The following ATP10B variants were observed in gnomAD, a reference collection of about 807,000 sequenced individuals.
ATP10B encodes the protein ATPase phospholipid transporting 10B (putative).
Under a neutral mutation model 141.2 loss-of-function variants are expected in ATP10B, and 122 were observed. The observed-to-expected ratio is 0.86, with a 90% CI of 0.75 to 1.00. The LOEUF is 1.00. Among genes scored for constraint, ATP10B ranks in the 50% least tolerant of loss-of-function variants. The pLI is 0.00. For synonymous variants in ATP10B, 685 were observed against 692.0 expected (o/e 0.99, Z 0.16); for missense variants, 1,876 against 1,825.3 (o/e 1.03, Z -0.51).
At chr5:160,757,963 A>T (rs1249120881) in intron 2 of ATP10B, among the ~76,000 whole-genome samples, 2 of 152,206 alleles carry the variant, frequency 1.3e-5, no homozygotes, top group Non-Finnish European at 2.9e-5. Context: ...ATGTCTCCAG[A>T]CATTGTCAAA....
chr5:160,574,576 C>T (rs1755073685), intron 24 of ATP10B, among the ~76,000 whole-genome samples: 1 of 152,040 alleles, frequency 6.6e-6, no homozygotes, highest in African/African-American at 2.4e-5. Flanking sequence ...ATGTATGTGC[C>T]CCCTCTAAAC....
intron 7 of ATP10B, among the ~76,000 whole-genome samples, chr5:160,653,742 A>ATTACATATG (rs1474405250): frequency 1.3e-4 from 15 of 113,898 alleles, no homozygotes; most frequent in African/African-American, 4.5e-4. Flanking sequence ...ATATACATAT[A>ATTACATATG]TTACATATAC....
At chr5:160,572,638 ATGT>A (rs1253430351) in intron 24 of ATP10B, among the ~76,000 whole-genome samples, 1 of 152,208 alleles carries the variant, frequency 6.6e-6, no homozygotes, top group Admixed American at 6.5e-5. Flanking sequence ...ATTTAATATA[ATGT>A]TGAGTTCTGA....
intron 2 of ATP10B, among the ~76,000 whole-genome samples, chr5:160,756,771 T>C (rs1768646542): frequency 6.6e-6 from 1 of 152,160 alleles, no homozygotes; most frequent in Admixed American, 6.5e-5. Context: ...AGGCATGCAC[T>C]GCATAATAAT....
chr5:160,912,698 AAG>A, the ATP10B span, among the ~76,000 whole-genome samples: 182 of 152,108 alleles, frequency 1.2e-3, no homozygotes, highest in Non-Finnish European at 2.2e-3. Flanking sequence ...AAAAAGAAAA[AAG>A]AAAAGAGAAA....
chr5:160,901,098 C>T, the ATP10B span, among the ~76,000 whole-genome samples: 1 of 151,750 alleles, frequency 6.6e-6, no homozygotes, highest in African/African-American at 2.4e-5. Context: ...GGATTTCTTC[C>T]CTAAGAGTCA....
intron 20 of ATP10B, chr5:160,603,492 G>A (rs1028215906): frequency 5.7e-6 from 1 of 176,824 alleles, no homozygotes; most frequent in African/African-American, 2.3e-5. Flanking sequence ...TCTATGTGTA[G>A]CCCAATACAA....
intron 13 of ATP10B, among the ~76,000 whole-genome samples, chr5:160,624,229 G>C (rs1364871915): frequency 6.6e-6 from 1 of 152,178 alleles, no homozygotes; most frequent in Non-Finnish European, 1.5e-5. Context: ...CATGGGAAAA[G>C]AGCCCTCAGA....
chr5:160,639,877 T>C (rs1171933639), intron 10 of ATP10B, among the ~76,000 whole-genome samples: 4 of 152,246 alleles, frequency 2.6e-5, no homozygotes, highest in African/African-American at 4.8e-5. Flanking sequence ...TTTGCAACTA[T>C]ATGGTCCCAT....
the ATP10B span, among the ~76,000 whole-genome samples, chr5:160,857,951 G>T: frequency 1.3e-5 from 2 of 151,728 alleles, no homozygotes; most frequent in South Asian, 2.1e-4. Context: ...TTGTTTGATG[G>T]CACTTAAAGA....
chr5:160,612,547 T>G, intron 18 of ATP10B, 194 bp downstream of exon 18: 1 of 448,834 alleles, frequency 2.2e-6, no homozygotes, highest in Non-Finnish European at 3.9e-6. Flanking sequence ...CAGCTAGCCA[T>G]GTGTGGGGAT....
chr5:160,634,392 C>A lies in ATP10B; in HGVS notation c.1343G>T (p.Cys448Phe). ...AGAATACTCGCTGCCCATGATGGTG[C>A]AACGTCGGAACACCATCTTGTTCTC... ...LTENKMVFRRCTIMGSEYSHQ... is the reference protein window; with the variant it reads ...LTENKMVFRRFTIMGSEYSHQ... The change falls in exon 12 of 26, where the codon TGC becomes TTC. Residue 448 changes from cysteine to phenylalanine, a missense_variant. Physicochemically the swap from Cys to Phe is radical, Grantham distance 205 (BLOSUM62 -2). Transcript: ENST00000327245. 5.0e-6 allele frequency: 8 copies of A among 1,614,132 alleles called. No homozygotes were observed. Among genetic ancestry groups the A allele is most frequent in the Non-Finnish European group, 5.9e-6 (7 of 1,180,028 alleles).
At chr5:160,855,880 G>GT (rs1753984191), upstream of ATP10B, among the ~76,000 whole-genome samples, 1 of 150,570 alleles carries the variant, frequency 6.6e-6, no homozygotes, top group Non-Finnish European at 1.5e-5. Flanking sequence ...TTGTAACTTT[G>GT]TAAAAAAAAA....
chr5:160,589,585 C>CACTT lies in ATP10B; in HGVS notation c.3750+3_3750+6dup. 1 of 1,609,724 alleles carries CACTT rather than the reference C, an allele frequency of 6.2e-7. No individual in the cohort carries two copies. The highest frequency in any genetic ancestry group is 8.5e-7 in the Non-Finnish European group (1 of 1,176,480). On this transcript the variant is annotated splice_region_variant and intron_variant, in intron 24 of 25. Coordinates refer to ENST00000327245, the MANE Select transcript of ATP10B (RefSeq NM_025153.3). ...TTTTGAAGCCAAAGGGGCTCTGGGA[C>CACTT]ACTTACCCATGTCTTCATTTCCATT...
At chr5:160,824,136 C>G (rs542696769) in intron 1 of ATP10B, among the ~76,000 whole-genome samples, 36 of 152,076 alleles carry the variant, frequency 2.4e-4, no homozygotes, top group Non-Finnish European at 4.6e-4. Flanking sequence ...ATTCTCCTAC[C>G]TCAGCCTCCC....
At chr5:160,662,066 T>C (rs1761962412) in intron 7 of ATP10B, among the ~76,000 whole-genome samples, 1 of 152,054 alleles carries the variant, frequency 6.6e-6, no homozygotes, top group Non-Finnish European at 1.5e-5. Flanking sequence ...AGGAATAAAA[T>C]AGCTAGGAAT....
chr5:160,885,250 TCTC>T, the ATP10B span, among the ~76,000 whole-genome samples: 320 of 152,286 alleles, frequency 2.1e-3, 2 homozygotes, highest in African/African-American at 6.1e-3. Context: ...TGTTCTCAGC[TCTC>T]CTGTTTTAAT....
chr5:160,775,157 G>C (rs1770200424), intron 2 of ATP10B, among the ~76,000 whole-genome samples: 1 of 152,198 alleles, frequency 6.6e-6, no homozygotes, highest in South Asian at 2.1e-4. Flanking sequence ...CAGACCCCTG[G>C]GCTTTGCCCT....
chr5:160,607,809 T>C (rs1285992678), intron 18 of ATP10B, among the ~76,000 whole-genome samples: 1 of 152,236 alleles, frequency 6.6e-6, no homozygotes, highest in Non-Finnish European at 1.5e-5. Flanking sequence ...TTTCAATTTT[T>C]TCTTCCATTA....
Sources: allele counts gnomAD v4.1 joint callset (sites outside exome capture counted in the v4.1 genomes callset), GRCh38; gene constraint gnomAD v4.1.1; transcripts MANE v1.5; gene names NCBI Gene and HGNC (gene_info 2026-07-23, HGNC 2026-07-21).